Variants in GALNT7 observed in about 807,000 individuals in gnomAD.
GALNT7 encodes N-acetylgalactosaminyltransferase 7.
GALNT7 carries 60 observed loss-of-function variants against 82.1 expected under a neutral mutation model. The observed-to-expected ratio is 0.73, with a 90% CI of 0.59 to 0.91. The LOEUF is 0.91. GALNT7 is among the 40% of genes least tolerant of loss of function. The probability of loss-of-function intolerance (pLI) is 0.00; values close to 1 mark genes in which losing one functional copy is unlikely to be tolerated. For synonymous variants in GALNT7, 243 were observed against 275.1 expected, an observed-to-expected ratio of 0.88 and a Z score of 1.15; for missense variants, 660 against 804.2, an observed-to-expected ratio of 0.82 and a Z score of 2.17.
rs758027763 is a variant in GALNT7, at chr4:173,295,397, A to G, written c.756A>G (p.Glu252=). The change falls in exon 4 of 12, where the codon GAA becomes GAG. Residue 252 remains glutamate (E), a splice_region_variant and synonymous_variant. Coordinates refer to ENST00000265000, the MANE Select transcript of GALNT7 (RefSeq NM_017423.3). The part of the protein sequence containing the change: ...IVLIDDFSNK[E]HLKEKLDEYI... ...ATATCGATTGATTTTTCTTAACAGA[A>G]CACTTAAAAGAAAAACTGGATGAAT... The G allele has an allele frequency of 1.3e-6, 2 of 1,568,306 alleles. No individual in the cohort carries two copies. The highest frequency in any genetic ancestry group is 1.8e-6 in the Non-Finnish European group (2 of 1,139,968).
intron 1 of GALNT7, among the ~76,000 whole-genome samples, chr4:173,201,254 A>G (rs1732938448): frequency 6.6e-6 from 1 of 152,112 alleles, no homozygotes; most frequent in Non-Finnish European, 1.5e-5. Flanking sequence ...GTTTTACTGT[A>G]TGTTTTTAGA....
In GALNT7 at chr4:173,321,644, A is replaced by G. The variant is rs761640054; in HGVS notation, c.1901A>G (p.Gln634Arg). 6.2e-7 allele frequency: 1 copy of G among 1,602,306 alleles called. No homozygotes were observed. Among genetic ancestry groups the G allele is most frequent in the Non-Finnish European group, 8.6e-7 (1 of 1,169,296 alleles). ...TTAGATCGCTCAGAGGTCCTGCATCAAGTATTCATCTCCAATTGTGACTCC... is the reference window on the plus strand; with the variant it reads ...TTAGATCGCTCAGAGGTCCTGCATCGAGTATTCATCTCCAATTGTGACTCC... ...KCLDRSEVLHQVFISNCDSSK... is the reference protein window; with the variant it reads ...KCLDRSEVLHRVFISNCDSSK... Residue 634 changes from glutamine to arginine, a missense_variant, in exon 12 of 12, where the codon CAA (glutamine) becomes CGA (arginine). This residue lies in a region of GALNT7 where 527 missense variants were observed against 683.5 expected (regional missense o/e 0.77). Transcript: ENST00000265000.
Position 173,322,279 on chromosome 4 carries a change from A to G in GALNT7, c.*562A>G, listed in dbSNP as rs1287934627. ...TAGTGCCTCTTTCATTTCTCAGTATATATTTCAAGAGCTTGTGATGAAATC... is the reference window on the plus strand; with the variant it reads ...TAGTGCCTCTTTCATTTCTCAGTATGTATTTCAAGAGCTTGTGATGAAATC... On this transcript the variant is annotated 3_prime_UTR_variant, in exon 12 of 12. Transcript: ENST00000265000. 2 of 152,938 alleles carry G rather than the reference A, an allele frequency of 1.3e-5. No homozygotes were observed. The highest frequency in any genetic ancestry group is 1.9e-4 in the East Asian group (1 of 5,204). The allele number at this position is 152,938 out of a possible 1,614,324, so 9.5% of individuals were successfully genotyped here.
At chr4:173,306,249 T>G (rs1394962985) in intron 8 of GALNT7, among the ~76,000 whole-genome samples, 1 of 152,234 alleles carries the variant, frequency 6.6e-6, no homozygotes, top group Non-Finnish European at 1.5e-5. Flanking sequence ...TTTATTAGAT[T>G]TGTTTATTAG....
At position 173,321,650 on chromosome 4, in the gene GALNT7, T is replaced by G; in HGVS notation, c.1907T>G (p.Phe636Cys). The G allele has an allele frequency of 1.2e-6, 2 of 1,601,188 alleles. No homozygotes were observed. Among genetic ancestry groups the G allele is most frequent in the Non-Finnish European group, 1.7e-6 (2 of 1,168,306 alleles). The change falls in exon 12 of 12, where the codon TTC becomes TGC. Residue 636 changes from phenylalanine to cysteine, a missense_variant. By Grantham distance (205) the Phe-to-Cys change is radical (BLOSUM62 -2). Transcript: ENST00000265000. Reference sequence around the variant, plus strand: ...CGCTCAGAGGTCCTGCATCAAGTATTCATCTCCAATTGTGACTCCAGTAAA... The same window carrying G: ...CGCTCAGAGGTCCTGCATCAAGTATGCATCTCCAATTGTGACTCCAGTAAA... ...LDRSEVLHQV[F>C]ISNCDSSKTT...
intron 2 of GALNT7, among the ~76,000 whole-genome samples, chr4:173,266,079 GA>G (rs1454081649): frequency 1.3e-5 from 2 of 152,108 alleles, no homozygotes; most frequent in South Asian, 2.1e-4. Context: ...CCAACATGGC[GA>G]AACCCTGTCT....
intron 1 of GALNT7, among the ~76,000 whole-genome samples, chr4:173,214,285 C>CT (rs1733372558): frequency 6.8e-6 from 1 of 146,486 alleles, no homozygotes; most frequent in South Asian, 2.2e-4. Flanking sequence ...ATACAAAGCT[C>CT]TTTAAAAAAA....
At chr4:173,279,845 C>T (rs1278371362) in intron 2 of GALNT7, among the ~76,000 whole-genome samples, 4 of 151,964 alleles carry the variant, frequency 2.6e-5, no homozygotes, top group Admixed American at 6.6e-5. Flanking sequence ...TGTGGTGGCG[C>T]GTACCTGTAG....
chr4:173,198,065 CT>C (rs5864190), intron 1 of GALNT7, among the ~76,000 whole-genome samples: 30,014 of 148,440 alleles, frequency 0.2, 3,039 homozygotes, highest in African/African-American at 0.26. Context: ...TGGATTGTTT[CT>C]TTTTTTTTTT....
At chr4:173,298,363 C>G in intron 6 of GALNT7, 66 bp downstream of exon 6, 2 of 1,037,008 alleles carry the variant, frequency 1.9e-6, no homozygotes, top group Non-Finnish European at 2.8e-6. Flanking sequence ...AACCTCTTGC[C>G]AAGCTAAAGA....
At chr4:173,253,502 TA>T (rs1258396706) in intron 2 of GALNT7, among the ~76,000 whole-genome samples, 3 of 152,178 alleles carry the variant, frequency 2.0e-5, no homozygotes, top group African/African-American at 7.2e-5. Context: ...TAGAGTAGAT[TA>T]GGGGGTGGAG....
At chr4:173,185,625 G>C (rs1269048941) in intron 1 of GALNT7, among the ~76,000 whole-genome samples, 1 of 152,096 alleles carries the variant, frequency 6.6e-6, no homozygotes, top group Middle Eastern at 3.2e-3. Context: ...CAAGCAAAAA[G>C]GACTTACAGT....
intron 2 of GALNT7, among the ~76,000 whole-genome samples, chr4:173,265,013 T>A (rs1735426924): frequency 6.6e-6 from 1 of 152,208 alleles, no homozygotes; most frequent in Non-Finnish European, 1.5e-5. Context: ...ATCCCAGCAC[T>A]TTAGCAACTT....
rs115325370 is a variant in GALNT7 at position 173,270,749 on chromosome 4, A to G, written c.588-21359A>G. Among the ~76,000 whole-genome samples, 986 of 152,358 alleles carry G rather than the reference A, an allele frequency of 6.5e-3. 13 individuals carry two copies. Among genetic ancestry groups the G allele is most frequent in the African/African-American group, 0.023 (936 of 41,576 alleles). On this transcript the variant is annotated intron_variant, in intron 2 of 11. Transcript: ENST00000265000. Reference sequence around the variant, plus strand: ...ATTTATAAACCACCAAAAGTTGGCAACTGGCCCTTGTAAAAGATTTCTTCC... The same window carrying G: ...ATTTATAAACCACCAAAAGTTGGCAGCTGGCCCTTGTAAAAGATTTCTTCC...
intron 2 of GALNT7, among the ~76,000 whole-genome samples, chr4:173,275,044 T>C (rs1735851830): frequency 6.6e-6 from 1 of 152,210 alleles, no homozygotes; most frequent in African/African-American, 2.4e-5. Flanking sequence ...TCTTAACAAC[T>C]GTCAGCTGTG....
At chr4:173,194,330 A>G (rs1039288690) in intron 1 of GALNT7, among the ~76,000 whole-genome samples, 5 of 152,230 alleles carry the variant, frequency 3.3e-5, no homozygotes, top group African/African-American at 1.2e-4. Context: ...TAAAGAAGGC[A>G]ATTTACTTAT....
At chr4:173,278,421 C>A (rs1052797534) in intron 2 of GALNT7, among the ~76,000 whole-genome samples, 1 of 152,102 alleles carries the variant, frequency 6.6e-6, no homozygotes, top group Non-Finnish European at 1.5e-5. Flanking sequence ...CCTCATATTC[C>A]TCCATATAAA....
intron 10 of GALNT7, 149 bp from the exon 11 acceptor site, chr4:173,318,282 T>A: frequency 1.7e-6 from 1 of 581,346 alleles, no homozygotes; most frequent in South Asian, 2.3e-5. Context: ...ATAAATATAA[T>A]TTGTCTGTGG....
intron 1 of GALNT7, among the ~76,000 whole-genome samples, chr4:173,208,990 ATAGTT>A (rs1733188166): frequency 1.3e-5 from 2 of 152,186 alleles, no homozygotes; most frequent in South Asian, 2.1e-4. Flanking sequence ...GGTGGGTAGA[ATAGTT>A]TAGAGATTCA....
Sources: gnomAD v4.1 joint callset for allele counts (sites outside exome capture counted in the v4.1 genomes callset) on GRCh38, gnomAD v4.1.1 for gene constraint, gnomAD v4.1.1 regional missense constraint, MANE v1.5 for transcripts, NCBI Gene and HGNC (gene_info 2026-07-23, HGNC 2026-07-21) for gene names.